Variants in NBEAL2 observed in about 807,000 individuals in gnomAD.
NBEAL2 encodes the protein neurobeachin like 2.
In NBEAL2, 160 loss-of-function variants were observed where a neutral mutation model predicts 299.8. The observed-to-expected ratio is 0.53, with a 90% CI of 0.47 to 0.61. The LOEUF (loss-of-function observed/expected upper bound fraction) is 0.61, where lower values mean the gene tolerates loss of function less well. Among genes scored for constraint, NBEAL2 ranks in the 20% least tolerant of loss-of-function variants. The pLI is 0.00. For synonymous variants in NBEAL2, 1,493 were observed against 1,542.3 expected (o/e 0.97, Z 0.75); for missense variants, 3,112 against 3,649.0 (o/e 0.85, Z 3.79).
chr3:46,987,654 G>A (rs1479888576), intron 1 of NBEAL2, among the ~76,000 whole-genome samples: 1 of 152,210 alleles, frequency 6.6e-6, no homozygotes, highest in Non-Finnish European at 1.5e-5. Flanking sequence ...GAGGCCTTGC[G>A]CGCAGGTCAG....
In NBEAL2 at chr3:47,002,994, G is replaced by C. The variant is rs1341020147; in HGVS notation, c.5497G>C (p.Glu1833Gln). 6.2e-7 allele frequency: 1 copy of C among 1,613,464 alleles called. No homozygotes were observed. The highest frequency in any genetic ancestry group is 1.7e-5 in the Admixed American group (1 of 60,002). Residue 1833 changes from glutamate to glutamine, a missense_variant, in exon 34 of 54, where the codon GAG becomes CAG. By Grantham distance (29) the Glu-to-Gln change is conservative. Coordinates refer to ENST00000450053, the MANE Select transcript of NBEAL2 (RefSeq NM_015175.3). Reference protein sequence around the residue: ...PIPRWKLSSAETYSRMRLKLV... With the variant: ...PIPRWKLSSAQTYSRMRLKLV... ...CCCCCGCTGGAAACTGTCCAGCGCCGAGACATATTCACGCATGCGTCTGAA... is the reference window on the plus strand; with the variant it reads ...CCCCCGCTGGAAACTGTCCAGCGCCCAGACATATTCACGCATGCGTCTGAA...
Position 46,996,454 on chromosome 3 carries a change from G to C in NBEAL2, c.2335G>C (p.Gly779Arg), listed in dbSNP as rs761471802. The part of the protein sequence containing the change: ...GSGLVAPLQE[G>R]SIDSTLAGTQ... ...CGGGCTGGTGGCCCCCCTGCAGGAG[G>C]GCAGCATCGACTCTACCCTCGCAGG... Residue 779 changes from glycine (G) to arginine (R), a missense_variant, in exon 16 of 54, where the codon GGC becomes CGC. Gly to Arg is a moderately radical substitution (Grantham distance 125, BLOSUM62 -2). Coordinates refer to ENST00000450053, the MANE Select transcript of NBEAL2 (RefSeq NM_015175.3). 1.2e-5 allele frequency: 20 copies of C among 1,606,332 alleles called. No individual in the cohort carries two copies. Among genetic ancestry groups the C allele is most frequent in the Non-Finnish European group, 1.7e-5 (20 of 1,176,558 alleles).
At position 46,996,491 on chromosome 3, in the gene NBEAL2, C is replaced by G. The variant is rs749471978; in HGVS notation, c.2372C>G (p.Thr791Ser). 1 of 1,586,950 alleles carries G rather than the reference C, an allele frequency of 6.3e-7. No homozygotes were observed. The highest frequency in any genetic ancestry group is 8.6e-7 in the Non-Finnish European group (1 of 1,164,222). The change falls in exon 16 of 54, where the codon ACT becomes AGT. Residue 791 changes from threonine (T) to serine (S), a missense_variant. Transcript: ENST00000450053. Reference sequence around the variant, plus strand: ...TCTACCCTCGCAGGCACCCAGGACACTCGGTGGGGCAGCCCCACATCCCTG... The same window carrying G: ...TCTACCCTCGCAGGCACCCAGGACAGTCGGTGGGGCAGCCCCACATCCCTG... Reference protein sequence around the residue: ...IDSTLAGTQDTRWGSPTSLEG... With the variant: ...IDSTLAGTQDSRWGSPTSLEG...
intron 45 of NBEAL2, 39 bp from the exon 46 acceptor site, chr3:47,007,024 GATA>G (rs747727616): frequency 6.7e-7 from 1 of 1,498,062 alleles, no homozygotes; most frequent in East Asian, 2.3e-5. Flanking sequence ...AGTGTAATCT[GATA>G]GTACTCAGGC....
At chr3:46,997,197 G>C in intron 18 of NBEAL2, 62 bp from the exon 19 acceptor site, 1 of 1,598,348 alleles carries the variant, frequency 6.3e-7, no homozygotes, top group Non-Finnish European at 8.5e-7. Flanking sequence ...TGGTCTGCTG[G>C]GGTGGAGTAG....
intron 1 of NBEAL2, among the ~76,000 whole-genome samples, chr3:46,984,787 C>A (rs957771232): frequency 6.6e-6 from 1 of 152,074 alleles, no homozygotes. Context: ...TCCCTGGGGT[C>A]CATTAATGCC....
rs774917873 is a variant in NBEAL2, at chr3:46,989,610, GC to G, written c.556+22del. 3.2e-6 allele frequency: 5 copies of G among 1,564,078 alleles called. No homozygotes were observed. The highest frequency in any genetic ancestry group is 1.4e-5 in the African/African-American group (1 of 72,844). ...TCTTCCAAGGTCAGGCCCCGCCCCT[GC>G]CCCCACTTGGCTCCACCCCCAAACC... is the stretch of plus-strand genomic sequence containing the variant. On this transcript the variant is annotated intron_variant, in intron 6 of 53. Coordinates refer to ENST00000450053, the MANE Select transcript of NBEAL2 (RefSeq NM_015175.3). This position sits in a 1 kb window ranked among gnomAD's most constrained non-coding sequence, Gnocchi z 5.5.
In NBEAL2 at chr3:46,995,818, C is replaced by T. The variant is rs1442793812; in HGVS notation, c.2003C>T (p.Pro668Leu). The T allele has an allele frequency of 6.2e-7, 1 of 1,613,880 alleles. No individual in the cohort carries two copies. Among genetic ancestry groups the T allele is most frequent in the Non-Finnish European group, 8.5e-7 (1 of 1,179,874 alleles). ...TRKEYLTMSL[P>L]EVSFADSAWH... is the part of the protein sequence containing the mutation. ...AAGGAGTATTTGACCATGAGTTTGC[C>T]CGAAGTGTCCTTTGCCGACTCTGCC... The change falls in exon 14 of 54, where the codon CCC (proline) becomes CTC (leucine). Residue 668 changes from proline to leucine, a missense_variant. This residue lies in a region of NBEAL2 where 2,243 missense variants were observed against 2,538.1 expected (regional missense o/e 0.88). Coordinates refer to ENST00000450053, the MANE Select transcript of NBEAL2 (RefSeq NM_015175.3).
Position 47,002,540 on chromosome 3 carries a change from G to T in NBEAL2, c.5301+20G>T. The T allele has an allele frequency of 6.2e-7, 1 of 1,611,682 alleles. No homozygotes were observed. Among genetic ancestry groups the T allele is most frequent in the South Asian group, 1.1e-5 (1 of 90,990 alleles). Reference sequence around the variant, plus strand: ...TTCCAGGTGTGCCACCCGGGGTAAGGGATGGGAAACTGCTCCACACATGCA... The same window carrying T: ...TTCCAGGTGTGCCACCCGGGGTAAGTGATGGGAAACTGCTCCACACATGCA... On this transcript the variant is annotated intron_variant, in intron 32 of 53. Transcript: ENST00000450053.
At chr3:46,994,954 A>ATTAC in intron 12 of NBEAL2, 78 bp from the exon 13 acceptor site, 1 of 1,467,782 alleles carries the variant, frequency 6.8e-7, no homozygotes, top group South Asian at 1.4e-5. Flanking sequence ...TGCCGTAGGC[A>ATTAC]AGTAAATGGA....
At position 46,997,388 on chromosome 3, in the gene NBEAL2, G is replaced by A. The variant is rs780806136; in HGVS notation, c.2779G>A (p.Gly927Ser). 6.7e-5 allele frequency: 108 copies of A among 1,611,472 alleles called. 1 individual carries two copies. The South Asian group carries it at 1.1e-3, about 17-fold the overall frequency. Residue 927 changes from glycine (G) to serine (S), a missense_variant, in exon 19 of 54, where the codon GGT becomes AGT. Physicochemically the swap from Gly to Ser is moderately conservative, Grantham distance 56. Transcript: ENST00000450053. ...CCTCGTGGGTCCTGAACTGACCTCT[G>A]GTCACAACACCCAGGGCCTGGTTCT... ...HDLVGPELTS[G>S]HNTQGLVLPL...
At position 46,995,518 on chromosome 3, in the gene NBEAL2, G is replaced by A. The variant is rs752701507; in HGVS notation, c.1783G>A (p.Val595Ile). The A allele has an allele frequency of 2.4e-5, 38 of 1,612,720 alleles. No homozygotes were observed. The African/African-American group carries it at 5.1e-4, about 22-fold the overall frequency. ...CATGGCGGGCATCATGGTACCCCCTGTACAGCGATGGCCAGGGCCTGGCTT... is the reference window on the plus strand; with the variant it reads ...CATGGCGGGCATCATGGTACCCCCTATACAGCGATGGCCAGGGCCTGGCTT... ...PSMAGIMVPP[V>I]QRWPGPGFTF... is the part of the protein sequence containing the mutation. Residue 595 changes from valine to isoleucine, a missense_variant, in exon 13 of 54, where the codon GTA becomes ATA. Val to Ile is a conservative substitution (Grantham distance 29, BLOSUM62 3). Coordinates refer to ENST00000450053, the MANE Select transcript of NBEAL2 (RefSeq NM_015175.3).
At chr3:47,005,160 C>G in intron 39 of NBEAL2, 21 bp from the exon 40 acceptor site, 1 of 1,613,790 alleles carries the variant, frequency 6.2e-7, no homozygotes. Context: ...CTTCTGCTGA[C>G]ACGTCCAACT....
In NBEAL2 at chr3:46,989,896, G is replaced by A. The variant is rs2035964848; in HGVS notation, c.556+303G>A. Reference sequence around the variant, plus strand: ...CCCTACTGTGATCTTAAAACTCTCTGGTCCAATCCCTTTGTCCCCATAGCC... The same window carrying A: ...CCCTACTGTGATCTTAAAACTCTCTAGTCCAATCCCTTTGTCCCCATAGCC... On this transcript the variant is annotated intron_variant, in intron 6 of 53. Coordinates refer to ENST00000450053, the MANE Select transcript of NBEAL2 (RefSeq NM_015175.3). The surrounding 1 kb of genome is among the most constrained non-coding windows in gnomAD (Gnocchi z 5.5). Among the ~76,000 whole-genome samples, 1 of 152,066 alleles carries A rather than the reference G, an allele frequency of 6.6e-6. No individual in the cohort carries two copies. The highest frequency in any genetic ancestry group is 1.5e-5 in the Non-Finnish European group (1 of 67,996).
intron 18 of NBEAL2, 48 bp downstream of exon 18, chr3:46,997,094 G>A: frequency 1.3e-6 from 2 of 1,575,766 alleles, no homozygotes; most frequent in Non-Finnish European, 1.7e-6. Flanking sequence ...TGAATATGGG[G>A]CACATGTGTG....
rs781642792 is a variant in NBEAL2 at position 47,008,087 on chromosome 3, C to A, written c.7620C>A (p.Gly2540=). The change falls in exon 50 of 54, where the codon GGC becomes GGA. Residue 2540 remains glycine (G), a synonymous_variant. Transcript: ENST00000450053. The part of the protein sequence containing the change: ...RLLHQGGLSV[G]LAPKPVQVLY... ...CTCCACAGGGTGGTCTGTCAGTAGG[C>A]CTGGCACCAAAGCCTGTGCAGGTCC... 3.7e-6 allele frequency: 6 copies of A among 1,613,984 alleles called. No individual in the cohort carries two copies. The South Asian group carries it at 5.5e-5, about 15-fold the overall frequency.
chr3:46,988,882 G>T lies in NBEAL2; in HGVS notation c.181G>T (p.Asp61Tyr), dbSNP rs1206196410. 1.2e-6 allele frequency: 2 copies of T among 1,612,210 alleles called. No homozygotes were observed. The highest frequency in any genetic ancestry group is 1.7e-6 in the Non-Finnish European group (2 of 1,178,704). ...TGCAGAGGTCCCGCTGCTACCACTGGATGAGCTGCATGTGCTGGCCGAACA... is the reference window on the plus strand; with the variant it reads ...TGCAGAGGTCCCGCTGCTACCACTGTATGAGCTGCATGTGCTGGCCGAACA... ...AGAEVPLLPL[D>Y]ELHVLAEQLH... is the part of the protein sequence containing the mutation. Residue 61 changes from aspartate (D) to tyrosine (Y), a missense_variant, in exon 3 of 54, where the codon GAT becomes TAT. Asp to Tyr is a radical substitution (Grantham distance 160). Transcript: ENST00000450053. The surrounding 1 kb of genome is among the most constrained non-coding windows in gnomAD (Gnocchi z 4.4).
rs202204936 is a variant in NBEAL2, at chr3:46,996,782, G to A, written c.2505G>A (p.Glu835=). The change falls in exon 17 of 54, where the codon GAG becomes GAA. Residue 835 remains glutamate, a synonymous_variant. Transcript: ENST00000450053. ...ATGAGACGGCACCCTTCAAGCCTGA[G>A]GGGGAGCTGCATGAGCTCAGCACCA... ...GPNETAPFKP[E]GELHELSTRL... The A allele has an allele frequency of 1.4e-4, 222 of 1,612,510 alleles. 1 individual carries two copies. Among genetic ancestry groups the A allele is most frequent in the Non-Finnish European group, 2.2e-5 (26 of 1,179,798 alleles).
rs1174650573 is a variant in NBEAL2, at chr3:46,982,101, C to T, written c.51+2189C>T. On this transcript the variant is annotated intron_variant, in intron 1 of 53. Coordinates refer to ENST00000450053, the MANE Select transcript of NBEAL2 (RefSeq NM_015175.3). The surrounding 1 kb of genome is among the most constrained non-coding windows in gnomAD (Gnocchi z 4.2). ...GGAAGCTAGGGCCAGCCTCCCAGCT[C>T]GCCTTCCTGCCCGCCTGCTCCTGAC... 3 of 152,388 alleles carry T rather than the reference C, an allele frequency of 2.0e-5. No individual in the cohort carries two copies. Among genetic ancestry groups the T allele is most frequent in the Non-Finnish European group, 4.4e-5 (3 of 68,158 alleles). 9.4% of individuals were successfully genotyped at this position (152,388 alleles called of 1,614,324 possible).
Sources: gnomAD v4.1 joint callset for allele counts (sites outside exome capture counted in the v4.1 genomes callset) on GRCh38, gnomAD v4.1.1 for gene constraint, gnomAD v4.1.1 regional missense constraint, Gnocchi (gnomAD v3.1) non-coding constraint, MANE v1.5 for transcripts, NCBI Gene and HGNC (gene_info 2026-07-23, HGNC 2026-07-21) for gene names.